DOK6: variants seen among roughly 807,000 people sequenced by gnomAD.
The protein encoded by DOK6 is docking protein 6, also known as downstream of tyrosine kinase 6.
Under a neutral mutation model 44.0 loss-of-function variants are expected in DOK6, and 22 were observed. That is an observed-to-expected ratio of 0.50 (90% confidence interval 0.36 to 0.71). The LOEUF (loss-of-function observed/expected upper bound fraction) is 0.71, where lower values mean the gene tolerates loss of function less well. DOK6 is among the 30% of genes least tolerant of loss of function. The probability of loss-of-function intolerance (pLI) is 0.00; values close to 1 mark genes in which losing one functional copy is unlikely to be tolerated. For synonymous variants in DOK6, 166 were observed against 145.5 expected (o/e 1.14, Z -1.01); for missense variants, 340 against 416.4 (o/e 0.82, Z 1.60).
rs139122125 is a variant in DOK6 at position 69,488,733 on chromosome 18, A to G, written c.67-75754A>G. On this transcript the variant is annotated intron_variant, in intron 1 of 7. Coordinates refer to ENST00000382713, the MANE Select transcript of DOK6 (RefSeq NM_152721.6). ...GGGAAAAACCTGCCTCCATGATTCA[A>G]TTACCTCCTACCGGGTCCCTCCCAC... Among the ~76,000 whole-genome samples, 144 of 152,244 alleles carry G rather than the reference A, an allele frequency of 9.5e-4. 1 individual carries two copies. The highest frequency in any genetic ancestry group is 3.4e-3 in the African/African-American group (143 of 41,558).
chr18:69,724,768 G>T (rs559463514), intron 5 of DOK6: 3 of 152,314 alleles, frequency 2.0e-5, no homozygotes, highest in African/African-American at 7.2e-5. Context: ...CAAGAAGCGG[G>T]TGTGTGGAGT....
chr18:69,686,310 T>TA (rs1986152180), intron 4 of DOK6, among the ~76,000 whole-genome samples: 2 of 152,166 alleles, frequency 1.3e-5, no homozygotes, highest in African/African-American at 4.8e-5. Context: ...TGTATATATA[T>TA]TTTTTAATTT....
intron 3 of DOK6, among the ~76,000 whole-genome samples, chr18:69,602,895 A>C (rs1983905579): frequency 6.6e-6 from 1 of 152,266 alleles, no homozygotes; most frequent in Admixed American, 6.5e-5. Flanking sequence ...TTCTTACACC[A>C]TCCTATTATA....
At chr18:69,476,558 A>G (rs910956039) in intron 1 of DOK6, among the ~76,000 whole-genome samples, 3 of 151,638 alleles carry the variant, frequency 2.0e-5, no homozygotes, top group African/African-American at 4.8e-5. Context: ...CAGTTAATAG[A>G]CAGGTTAGGG....
At chr18:69,611,839 A>T (rs1984147337) in intron 3 of DOK6, among the ~76,000 whole-genome samples, 1 of 152,182 alleles carries the variant, frequency 6.6e-6, no homozygotes, top group African/African-American at 2.4e-5. Context: ...CCTTGGGGAC[A>T]GGAGGGCTGT....
chr18:69,676,509 A>G (rs1181625046), intron 3 of DOK6, among the ~76,000 whole-genome samples: 7 of 152,226 alleles, frequency 4.6e-5, no homozygotes, highest in Admixed American at 4.6e-4. Flanking sequence ...TAAAATGCCA[A>G]GACAAAGGGT....
chr18:69,544,827 G>A (rs1295317367), intron 1 of DOK6, among the ~76,000 whole-genome samples: 1 of 151,380 alleles, frequency 6.6e-6, no homozygotes, highest in East Asian at 1.9e-4. Context: ...AAAATATTTT[G>A]ATTTAAAAAA....
intron 1 of DOK6, among the ~76,000 whole-genome samples, chr18:69,487,840 C>T (rs1980625986): frequency 6.6e-6 from 1 of 152,144 alleles, no homozygotes; most frequent in African/African-American, 2.4e-5. Context: ...CTGCTTCCCA[C>T]TCATCTGGGT....
intron 6 of DOK6, among the ~76,000 whole-genome samples, chr18:69,739,835 G>A (rs188385162): frequency 2.0e-5 from 3 of 152,244 alleles, no homozygotes; most frequent in Admixed American, 2.0e-4. Context: ...ATCTATAGAA[G>A]GACAGGTAGT....
rs374991878 is a variant in DOK6 at position 69,669,452 on chromosome 18, C to T, written c.290-8282C>T. On this transcript the variant is annotated intron_variant, in intron 3 of 7. Transcript: ENST00000382713. Reference sequence around the variant, plus strand: ...ATCATTTTGTTCTTTTTTATGGCTGCGCAGTATTTCATGATGTAAGCTATA... The same window carrying T: ...ATCATTTTGTTCTTTTTTATGGCTGTGCAGTATTTCATGATGTAAGCTATA... 5.7e-3 allele frequency among the ~76,000 whole-genome samples: 862 copies of T among 152,250 alleles called. 7 individuals are homozygous for T. The highest frequency in any genetic ancestry group is 0.02 in the African/African-American group (832 of 41,538).
intron 7 of DOK6, among the ~76,000 whole-genome samples, chr18:69,776,291 G>A (rs545140967): frequency 5.3e-5 from 8 of 151,980 alleles, no homozygotes; most frequent in African/African-American, 1.9e-4. Flanking sequence ...ACATCTTAAC[G>A]TGTATAAAAT....
At chr18:69,676,566 A>G (rs1985926739) in intron 3 of DOK6, among the ~76,000 whole-genome samples, 3 of 152,202 alleles carry the variant, frequency 2.0e-5, no homozygotes, top group African/African-American at 7.2e-5. Flanking sequence ...GAGAATCCAT[A>G]TTACACTATT....
intron 5 of DOK6, among the ~76,000 whole-genome samples, chr18:69,724,632 G>A (rs1978297234): frequency 6.6e-6 from 1 of 152,180 alleles, no homozygotes; most frequent in Non-Finnish European, 1.5e-5. Context: ...AAAAGTAGAA[G>A]AGATTCCAGT....
At chr18:69,780,184 G>T (rs192541310) in intron 7 of DOK6, among the ~76,000 whole-genome samples, 1 of 152,142 alleles carries the variant, frequency 6.6e-6, no homozygotes, top group Non-Finnish European at 1.5e-5. Context: ...TATTTTTGGT[G>T]CTTCTTATTC....
chr18:69,561,873 A>C (rs1055642093), intron 1 of DOK6, among the ~76,000 whole-genome samples: 4 of 152,212 alleles, frequency 2.6e-5, no homozygotes, highest in Admixed American at 2.6e-4. Context: ...AGTGAATAAT[A>C]AGCAATGCAC....
chr18:69,635,760 A>C (rs1165871549), intron 3 of DOK6, among the ~76,000 whole-genome samples: 1 of 152,230 alleles, frequency 6.6e-6, no homozygotes, highest in Admixed American at 6.5e-5. Flanking sequence ...CCCTACCCAG[A>C]CAGAGGACTC....
At chr18:69,606,132 C>T (rs1466340939) in intron 3 of DOK6, among the ~76,000 whole-genome samples, 4 of 151,636 alleles carry the variant, frequency 2.6e-5, no homozygotes, top group Admixed American at 1.3e-4. Flanking sequence ...ATTAGCCGGG[C>T]GTGGTGGTGC....
chr18:69,781,576 G>A (rs753216454), intron 7 of DOK6, among the ~76,000 whole-genome samples: 14 of 152,212 alleles, frequency 9.2e-5, no homozygotes, highest in Admixed American at 2.6e-4. Context: ...ATTACTAACC[G>A]TTTCTGCATG....
intron 1 of DOK6, among the ~76,000 whole-genome samples, chr18:69,420,992 G>A (rs568670418): frequency 1.3e-5 from 2 of 152,234 alleles, no homozygotes; most frequent in Admixed American, 6.5e-5. Context: ...TGTCACTAAC[G>A]ATTCCTCAGA....
Sources: allele counts gnomAD v4.1 joint callset (sites outside exome capture counted in the v4.1 genomes callset), GRCh38; gene constraint gnomAD v4.1.1; transcripts MANE v1.5; gene names NCBI Gene and HGNC (gene_info 2026-07-23, HGNC 2026-07-21).